Variants in CCR3 observed in about 807,000 individuals in gnomAD.
CCR3 encodes C-C chemokine receptor type 3.
For missense variants in CCR3, 419 were observed against 437.5 expected (o/e 0.96, Z 0.38); for synonymous variants, 203 against 179.2 (o/e 1.13, Z -1.06).
At chr3:46,264,484 T>A (rs1402210175) in intron 1 of CCR3, 1 of 1,433,900 alleles carries the variant, frequency 7.0e-7, no homozygotes, top group Non-Finnish European at 9.4e-7. Flanking sequence ...AAAAGTTAAA[T>A]TTAAAAATCA....
intron 1 of CCR3, chr3:46,263,648 T>C (rs534863155): frequency 3.9e-5 from 6 of 152,328 alleles, no homozygotes; most frequent in African/African-American, 1.2e-4. Context: ...CAGCTTTTTC[T>C]GGTTTCAAAT....
At position 46,266,211 on chromosome 3, in the gene CCR3, C is replaced by G; in HGVS notation, c.1053C>G (p.Leu351=). The change falls in exon 2 of 2, where the codon CTC becomes CTG. Residue 351 remains leucine, a synonymous_variant. Transcript: ENST00000395940. ...SVSPSTAEPE[L]SIVF is the part of the protein sequence containing the mutation. ...CTCCATCCACAGCAGAGCCGGAACT[C>G]TCTATTGTGTTTTAGGTCAGATGCA... 1 of 1,611,056 alleles carries G rather than the reference C, an allele frequency of 6.2e-7. No homozygotes were observed. Among genetic ancestry groups the G allele is most frequent in the East Asian group, 2.2e-5 (1 of 44,858 alleles).
At chr3:46,242,959 ATGTG>A (rs765636320) in intron 1 of CCR3, among the ~76,000 whole-genome samples, 6 of 124,016 alleles carry the variant, frequency 4.8e-5, no homozygotes, top group Non-Finnish European at 6.7e-5. Context: ...TTACATATAT[ATGTG>A]TATATATATA....
intron 1 of CCR3, among the ~76,000 whole-genome samples, chr3:46,257,221 G>A (rs1424292273): frequency 2.0e-5 from 3 of 152,116 alleles, no homozygotes; most frequent in African/African-American, 7.2e-5. Context: ...TCACTTCTAA[G>A]CTCTTCAAAA....
chr3:46,257,280 T>A (rs1389105907), intron 1 of CCR3, among the ~76,000 whole-genome samples: 1 of 152,108 alleles, frequency 6.6e-6, no homozygotes, highest in Non-Finnish European at 1.5e-5. Flanking sequence ...ACACATTGCC[T>A]AAGTATATGC....
chr3:46,246,523 G>C (rs1199743572), intron 1 of CCR3, among the ~76,000 whole-genome samples: 2 of 152,142 alleles, frequency 1.3e-5, no homozygotes, highest in Non-Finnish European at 2.9e-5. Context: ...GATGAGCTAG[G>C]AAAAGGACTT....
At chr3:46,222,439 A>G (rs1006941827) in intron 2 of CCR3, among the ~76,000 whole-genome samples, 25 of 152,234 alleles carry the variant, frequency 1.6e-4, no homozygotes, top group African/African-American at 6.0e-4. Flanking sequence ...GAAGCTACCT[A>G]TCAGGAAGCC....
chr3:46,248,426 A>T (rs979825977), intron 1 of CCR3, among the ~76,000 whole-genome samples: 9 of 152,204 alleles, frequency 5.9e-5, no homozygotes, highest in Admixed American at 3.9e-4. Context: ...CTAAAACAGT[A>T]AGATCAAGTT....
upstream of CCR3, among the ~76,000 whole-genome samples, chr3:46,238,062 G>GA (rs1463187763): frequency 6.6e-6 from 1 of 152,132 alleles, no homozygotes; most frequent in African/African-American, 2.4e-5. Flanking sequence ...TGCTTTACTT[G>GA]AAAGTTGCTC....
chr3:46,254,219 A>G (rs933424355), intron 1 of CCR3, among the ~76,000 whole-genome samples: 8 of 152,214 alleles, frequency 5.3e-5, no homozygotes, highest in African/African-American at 1.9e-4. Context: ...AAGTACATAA[A>G]CAAATATCAA....
chr3:46,226,851 A>G (rs71327043), intron 2 of CCR3, among the ~76,000 whole-genome samples: 24,283 of 151,272 alleles, frequency 0.16, 2,955 homozygotes, highest in African/African-American at 0.34. Context: ...TACCATGAAT[A>G]GGTGAAATAT....
At chr3:46,231,017 C>T (rs552407192) in intron 2 of CCR3, among the ~76,000 whole-genome samples, 119 of 152,236 alleles carry the variant, frequency 7.8e-4, no homozygotes, top group Non-Finnish European at 1.3e-3. Context: ...CTCTGCCTCC[C>T]GGGTTCAAAC....
upstream of CCR3, among the ~76,000 whole-genome samples, chr3:46,240,057 A>G (rs1191263040): frequency 1.3e-5 from 2 of 152,122 alleles, no homozygotes; most frequent in African/African-American, 4.8e-5. Flanking sequence ...TGCCAGGCCC[A>G]TGCCTTTCCT....
intron 2 of CCR3, among the ~76,000 whole-genome samples, chr3:46,228,255 AC>A (rs768618381): frequency 6.7e-6 from 1 of 148,884 alleles, no homozygotes; most frequent in South Asian, 2.1e-4. Flanking sequence ...TTGTACGCAC[AC>A]CCCCTCCCAC....
chr3:46,265,251 A>G lies in CCR3; in HGVS notation c.93A>G (p.Ala31=). 3 of 1,614,046 alleles carry G rather than the reference A, an allele frequency of 1.9e-6. No individual in the cohort carries two copies. Among genetic ancestry groups the G allele is most frequent in the Non-Finnish European group, 2.5e-6 (3 of 1,179,992 alleles). Residue 31 remains alanine, a synonymous_variant, in exon 2 of 2, where the codon GCA becomes GCG. Transcript: ENST00000395940. The part of the protein sequence containing the change: ...GLLCEKADTR[A]LMAQFVPPLY... ...TCTGTGAAAAAGCTGATACCAGAGCACTGATGGCCCAGTTTGTGCCCCCGC... is the reference window on the plus strand; with the variant it reads ...TCTGTGAAAAAGCTGATACCAGAGCGCTGATGGCCCAGTTTGTGCCCCCGC...
At position 46,265,568 on chromosome 3, in the gene CCR3, A is replaced by C; in HGVS notation, c.410A>C (p.His137Pro). 2 of 1,614,124 alleles carry C rather than the reference A, an allele frequency of 1.2e-6. No homozygotes were observed. The highest frequency in any genetic ancestry group is 1.1e-5 in the South Asian group (1 of 91,074). ...LTIDRYLAIV[H>P]AVFALRARTV... ...ATCGACAGGTACCTGGCCATTGTCCATGCTGTGTTTGCCCTTCGAGCCCGG... is the reference window on the plus strand; with the variant it reads ...ATCGACAGGTACCTGGCCATTGTCCCTGCTGTGTTTGCCCTTCGAGCCCGG... The change falls in exon 2 of 2, where the codon CAT becomes CCT. Residue 137 changes from histidine (H) to proline (P), a missense_variant. Transcript: ENST00000395940.
intron 1 of CCR3, among the ~76,000 whole-genome samples, chr3:46,246,900 G>A (rs865800900): frequency 8.4e-4 from 128 of 152,108 alleles, no homozygotes; most frequent in Middle Eastern, 6.8e-3. Flanking sequence ...AAGCTGAAGG[G>A]AGGTCTTGTG....
chr3:46,241,592 G>A (rs1176963221), upstream of CCR3, among the ~76,000 whole-genome samples: 1 of 152,160 alleles, frequency 6.6e-6, no homozygotes, highest in African/African-American at 2.4e-5. Context: ...TGGTTCCACG[G>A]CAATGCTATG....
At position 46,265,634 on chromosome 3, in the gene CCR3, G is replaced by T. The variant is rs777190797; in HGVS notation, c.476G>T (p.Gly159Val). 1.9e-6 allele frequency: 3 copies of T among 1,614,002 alleles called. No individual in the cohort carries two copies. Among genetic ancestry groups the T allele is most frequent in the Non-Finnish European group, 2.5e-6 (3 of 1,180,000 alleles). ...GTCATCACCAGCATCGTCACCTGGG[G>T]CCTGGCAGTGCTAGCAGCTCTTCCT... ...FGVITSIVTW[G>V]LAVLAALPEF... The change falls in exon 2 of 2, where the codon GGC (glycine) becomes GTC (valine). Residue 159 changes from glycine to valine, a missense_variant. Gly to Val is a moderately radical substitution (Grantham distance 109, BLOSUM62 -3). Coordinates refer to ENST00000395940, the MANE Select transcript of CCR3 (RefSeq NM_178329.3).
Sources: allele counts gnomAD v4.1 joint callset (sites outside exome capture counted in the v4.1 genomes callset), GRCh38; gene constraint gnomAD v4.1.1; transcripts MANE v1.5; gene names NCBI Gene and HGNC (gene_info 2026-07-23, HGNC 2026-07-21).